Variants in THSD4 observed in about 807,000 individuals in gnomAD.
THSD4 encodes the protein thrombospondin type-1 domain-containing protein 4.
THSD4 carries 69 observed loss-of-function variants against 119.0 expected under a neutral mutation model. That is an observed-to-expected ratio of 0.58 (90% CI 0.48 to 0.71). The LOEUF (loss-of-function observed/expected upper bound fraction) is 0.71, where lower values mean the gene tolerates loss of function less well. THSD4 is among the 30% of genes least tolerant of loss of function. The probability of loss-of-function intolerance (pLI) is 0.00; values close to 1 mark genes in which losing one functional copy is unlikely to be tolerated. For missense variants in THSD4, 1,393 were observed against 1,391.1 expected, an observed-to-expected ratio of 1.00 and a Z score of -0.02; for synonymous variants, 524 against 540.4, an observed-to-expected ratio of 0.97 and a Z score of 0.42.
At chr15:71,199,459 G>GT (rs2043749192) in intron 3 of THSD4, among the ~76,000 whole-genome samples, 6 of 138,050 alleles carry the variant, frequency 4.3e-5, no homozygotes, top group Admixed American at 4.3e-4. Flanking sequence ...GTGTGGGGGG[G>GT]GGTGTGTGTG....
intron 3 of THSD4, chr15:71,188,937 T>G (rs2043642685): frequency 6.6e-6 from 1 of 152,658 alleles, no homozygotes; most frequent in Admixed American, 6.5e-5. Flanking sequence ...ATAATTTTGC[T>G]CAACTGGAAT....
At chr15:71,160,221 G>GTA in intron 3 of THSD4, among the ~76,000 whole-genome samples, 1 of 151,690 alleles carries the variant, frequency 6.6e-6, no homozygotes, top group Non-Finnish European at 1.5e-5. Context: ...TTCAGTTTGC[G>GTA]TCTTGTTGAG....
intron 6 of THSD4, among the ~76,000 whole-genome samples, chr15:71,379,625 A>AT (rs1476954431): frequency 6.6e-6 from 1 of 151,068 alleles, no homozygotes; most frequent in Middle Eastern, 3.2e-3. Flanking sequence ...TGCCCGGCTA[A>AT]TTTTTTGTAT....
At position 71,459,386 on chromosome 15, in the gene THSD4, C is replaced by CTG. The variant is rs762889709; in HGVS notation, c.1152+47564_1152+47565insGT. ...TCTGTCTCTCTGTCTCTCTGTCTCT[C>CTG]TCTCTCTCTCTCTCTCTCTGTCTCT... is the stretch of plus-strand genomic sequence containing the variant. On this transcript the variant is annotated intron_variant, in intron 7 of 17. Coordinates refer to ENST00000261862, the MANE Select transcript of THSD4 (RefSeq NM_024817.3). Among the ~76,000 whole-genome samples, 378 of 138,466 alleles carry CTG rather than the reference C, an allele frequency of 2.7e-3. 2 individuals are homozygous for CTG. Among genetic ancestry groups the CTG allele is most frequent in the Admixed American group, 7.5e-3 (105 of 14,036 alleles). 90.8% of individuals were successfully genotyped at this position (138,466 alleles called of 152,430 possible).
intron 7 of THSD4, among the ~76,000 whole-genome samples, chr15:71,443,368 G>T (rs1566985381): frequency 6.6e-6 from 1 of 152,074 alleles, no homozygotes; most frequent in Non-Finnish European, 1.5e-5. Flanking sequence ...CTCTCTGCAG[G>T]TCTTTTTACC....
chr15:71,576,995 A>C (rs1441336962), intron 7 of THSD4, among the ~76,000 whole-genome samples: 3 of 152,098 alleles, frequency 2.0e-5, no homozygotes, highest in African/African-American at 7.2e-5. Context: ...TTAAATAAAT[A>C]GAATGTTTTA....
intron 7 of THSD4, among the ~76,000 whole-genome samples, chr15:71,512,297 A>G (rs758631204): frequency 5.3e-5 from 8 of 152,158 alleles, no homozygotes; most frequent in Non-Finnish European, 1.0e-4. Context: ...CTAGCAAATT[A>G]CCCTTAATTT....
chr15:71,272,804 C>T (rs1178171047), intron 6 of THSD4, among the ~76,000 whole-genome samples: 2 of 151,764 alleles, frequency 1.3e-5, no homozygotes, highest in Non-Finnish European at 2.9e-5. Context: ...GCGGAGGTGG[C>T]AGTGAGCCAA....
intron 6 of THSD4, among the ~76,000 whole-genome samples, chr15:71,257,301 A>G (rs1315560570): frequency 6.6e-6 from 1 of 152,210 alleles, no homozygotes; most frequent in Non-Finnish European, 1.5e-5. Flanking sequence ...GTTGAAATCC[A>G]GATGATAACA....
intron 7 of THSD4, among the ~76,000 whole-genome samples, chr15:71,412,248 G>A (rs1352565023): frequency 6.6e-6 from 1 of 152,194 alleles, no homozygotes; most frequent in Non-Finnish European, 1.5e-5. Flanking sequence ...GAAGGGGCAG[G>A]CTTCCAAAGG....
At chr15:71,620,839 G>T (rs1449149948) in intron 7 of THSD4, among the ~76,000 whole-genome samples, 1 of 152,140 alleles carries the variant, frequency 6.6e-6, no homozygotes, top group Non-Finnish European at 1.5e-5. Context: ...CTCAGGTGGG[G>T]TAGAGGGTTA....
intron 7 of THSD4, among the ~76,000 whole-genome samples, chr15:71,583,098 T>A (rs1055841788): frequency 1.3e-5 from 2 of 152,186 alleles, no homozygotes; most frequent in Non-Finnish European, 2.9e-5. Context: ...TCTATCTCTT[T>A]ACTTATCATT....
At chr15:71,219,381 T>G (rs1202706046) in intron 4 of THSD4, among the ~76,000 whole-genome samples, 1 of 152,194 alleles carries the variant, frequency 6.6e-6, no homozygotes, top group Non-Finnish European at 1.5e-5. Context: ...AATCAAATAT[T>G]GTCTAGCAGA....
At chr15:71,605,800 A>AGAGGC (rs1336426255) in intron 7 of THSD4, among the ~76,000 whole-genome samples, 1 of 152,230 alleles carries the variant, frequency 6.6e-6, no homozygotes, top group African/African-American at 2.4e-5. Flanking sequence ...TTCAATGCCA[A>AGAGGC]GAGGCAAGAT....
chr15:71,105,205 A>T (rs1317379289), intron 1 of THSD4, among the ~76,000 whole-genome samples: 1 of 152,182 alleles, frequency 6.6e-6, no homozygotes, highest in Non-Finnish European at 1.5e-5. Flanking sequence ...CCAGGTCTCT[A>T]GTACTTTTGA....
intron 1 of THSD4, among the ~76,000 whole-genome samples, chr15:71,126,848 A>G (rs1584001): frequency 0.069 from 10,500 of 152,320 alleles, 1,117 homozygotes; most frequent in African/African-American, 0.23. Context: ...TATGGGGCAC[A>G]AAGTGATGCT....
At chr15:71,569,839 CA>C (rs2049316232) in intron 7 of THSD4, among the ~76,000 whole-genome samples, 1 of 152,088 alleles carries the variant, frequency 6.6e-6, no homozygotes. Flanking sequence ...ACTAAAAATA[CA>C]AAAGTTAGCT....
At chr15:71,601,053 G>A (rs985090454) in intron 7 of THSD4, among the ~76,000 whole-genome samples, 2 of 152,076 alleles carry the variant, frequency 1.3e-5, no homozygotes, top group Admixed American at 6.5e-5. Context: ...AACCTATCAT[G>A]CCTATCTTAA....
chr15:71,209,567 A>C (rs1051785973), intron 3 of THSD4, among the ~76,000 whole-genome samples: 21 of 152,142 alleles, frequency 1.4e-4, no homozygotes, highest in African/African-American at 5.1e-4. Flanking sequence ...AAGCCATCCA[A>C]TGTTAACTTC....
Sources: allele counts gnomAD v4.1 joint callset (sites outside exome capture counted in the v4.1 genomes callset), GRCh38; gene constraint gnomAD v4.1.1; transcripts MANE v1.5; gene names NCBI Gene and HGNC (gene_info 2026-07-23, HGNC 2026-07-21).